Variants in PVT1 observed in about 807,000 individuals in gnomAD.
PVT1 encodes the protein Pvt1 oncogene, also known as CXCR4/PVT1 fusion.
intron 2 of PVT1, among the ~76,000 whole-genome samples, chr8:127,866,014 C>T (rs1295919599): frequency 6.6e-6 from 1 of 152,220 alleles, no homozygotes; most frequent in African/African-American, 2.4e-5. Flanking sequence ...TGCATAAATT[C>T]ACATGCCCAT....
chr8:127,933,965 A>G (rs1816242749), intron 3 of PVT1, among the ~76,000 whole-genome samples: 2 of 152,238 alleles, frequency 1.3e-5, no homozygotes, highest in Admixed American at 1.3e-4. Flanking sequence ...CCAGCCTCAC[A>G]GCTAACTCTC....
chr8:128,073,485 G>T (rs1814025844), intron 5 of PVT1, among the ~76,000 whole-genome samples: 1 of 152,104 alleles, frequency 6.6e-6, no homozygotes, highest in South Asian at 2.1e-4. Context: ...ATCTCCAGGG[G>T]TACTTGGTAA....
intron 2 of PVT1, among the ~76,000 whole-genome samples, chr8:127,866,587 G>A (rs891140390): frequency 6.6e-6 from 1 of 152,156 alleles, no homozygotes. Context: ...TGAGCATGGG[G>A]TGGTCGCAGG....
At chr8:127,809,681 G>T (rs1038421297) in intron 2 of PVT1, among the ~76,000 whole-genome samples, 1 of 152,162 alleles carries the variant, frequency 6.6e-6, no homozygotes, top group Admixed American at 6.6e-5. Context: ...AAGGAAATGG[G>T]AAAAGGAAAA....
At chr8:128,074,028 C>T (rs1814046303) in intron 5 of PVT1, among the ~76,000 whole-genome samples, 1 of 152,112 alleles carries the variant, frequency 6.6e-6, no homozygotes, top group Admixed American at 6.5e-5. Context: ...CTTCTCTTCC[C>T]CTCTTTATCT....
At chr8:127,795,041 A>T in intron 1 of PVT1, among the ~76,000 whole-genome samples, 1 of 152,106 alleles carries the variant, frequency 6.6e-6, no homozygotes, top group East Asian at 1.9e-4. Flanking sequence ...ACAGATTTGG[A>T]GCCATGATGT....
At chr8:127,872,782 G>A (rs1277887762) in intron 2 of PVT1, among the ~76,000 whole-genome samples, 4 of 152,278 alleles carry the variant, frequency 2.6e-5, no homozygotes, top group African/African-American at 9.6e-5. Flanking sequence ...GGACAGTCTT[G>A]CCACTGTCAA....
At chr8:127,869,293 G>C (rs1815325810) in intron 2 of PVT1, among the ~76,000 whole-genome samples, 1 of 151,746 alleles carries the variant, frequency 6.6e-6, no homozygotes, top group South Asian at 2.1e-4. Flanking sequence ...ACCACACCCG[G>C]CTAATTTTTG....
At chr8:128,082,573 C>T (rs181233571) in intron 5 of PVT1, among the ~76,000 whole-genome samples, 26 of 152,326 alleles carry the variant, frequency 1.7e-4, no homozygotes, top group African/African-American at 5.5e-4. Flanking sequence ...GGCACCAAGT[C>T]TCAGGGAAGT....
At chr8:127,949,379 CTGTG>C (rs61425056) in intron 3 of PVT1, among the ~76,000 whole-genome samples, 1,749 of 111,296 alleles carry the variant, frequency 0.016, 18 homozygotes, top group Middle Eastern at 0.028. Flanking sequence ...ACTCCAGGAG[CTGTG>C]TGTGTGTGTG....
chr8:127,810,514 A>G (rs1324269650), intron 2 of PVT1, among the ~76,000 whole-genome samples: 1 of 152,214 alleles, frequency 6.6e-6, no homozygotes, highest in Non-Finnish European at 1.5e-5. Flanking sequence ...TCACTGTCCC[A>G]AGGCTGAGTG....
chr8:127,922,355 T>A (rs2129868631), intron 3 of PVT1, among the ~76,000 whole-genome samples: 1 of 131,394 alleles, frequency 7.6e-6, no homozygotes, highest in South Asian at 2.6e-4. Context: ...GAGCTAGGAA[T>A]CCGAAGTAGG....
At position 127,798,704 on chromosome 8, in the gene PVT1, C is replaced by CAAA. The variant is rs71300266; in HGVS notation, n.372+2653_372+2655dup. On this transcript the variant is annotated intron_variant and non_coding_transcript_variant, in intron 2 of 10. Coordinates refer to ENST00000651587, the Ensembl canonical transcript of PVT1. ...TGAAACCCTGTCTCTACTAAAAATA[C>CAAA]AAAAAAAAAAAAAAAAAAAAAATTA... is the stretch of plus-strand genomic sequence containing the variant. Among the ~76,000 whole-genome samples the CAAA allele has an allele frequency of 2.9e-3, 322 of 110,402 alleles. 2 individuals are homozygous for CAAA. Among genetic ancestry groups the CAAA allele is most frequent in the Non-Finnish European group, 4.1e-3 (238 of 58,732 alleles). The allele number at this position is 110,402 out of a possible 152,430, so 72.4% of individuals were successfully genotyped here. A position where few individuals can be genotyped will look rare whatever the true frequency, so the allele number is the denominator to read the frequency against.
chr8:127,915,726 G>T (rs1471630002), intron 3 of PVT1, among the ~76,000 whole-genome samples: 2 of 151,820 alleles, frequency 1.3e-5, no homozygotes, highest in African/African-American at 4.8e-5. Context: ...AGATGAGAAA[G>T]TAGAGGCTCC....
chr8:127,832,312 A>G (rs1319736675), intron 2 of PVT1, among the ~76,000 whole-genome samples: 3 of 152,178 alleles, frequency 2.0e-5, no homozygotes, highest in Non-Finnish European at 4.4e-5. Context: ...TTGGGTACCC[A>G]TGGCAGGCAT....
intron 3 of PVT1, among the ~76,000 whole-genome samples, chr8:127,906,921 G>C (rs1815829484): frequency 6.6e-6 from 1 of 151,580 alleles, no homozygotes; most frequent in African/African-American, 2.4e-5. Flanking sequence ...TAAGGACTCA[G>C]CTGGGATTCC....
chr8:127,876,458 A>G (rs1332833427), intron 2 of PVT1, among the ~76,000 whole-genome samples: 1 of 151,642 alleles, frequency 6.6e-6, no homozygotes, highest in African/African-American at 2.4e-5. Context: ...TAGTATTATT[A>G]TATCTGACAG....
intron 4 of PVT1, among the ~76,000 whole-genome samples, chr8:128,065,588 G>C (rs1813898895): frequency 6.6e-6 from 1 of 152,188 alleles, no homozygotes; most frequent in South Asian, 2.1e-4. Context: ...CTGAGGGTAA[G>C]GGAGAAAGGT....
chr8:128,018,200 C>T (rs1333045886), intron 4 of PVT1, among the ~76,000 whole-genome samples: 1 of 152,082 alleles, frequency 6.6e-6, no homozygotes, highest in Non-Finnish European at 1.5e-5. Context: ...GGAAAAGGGA[C>T]AGGATGCAAA....
Sources: allele counts gnomAD v4.1 joint callset (sites outside exome capture counted in the v4.1 genomes callset), GRCh38; gene constraint gnomAD v4.1.1; transcripts MANE v1.5; gene names NCBI Gene and HGNC (gene_info 2026-07-23, HGNC 2026-07-21).